Variants in DTNB observed in about 807,000 individuals in gnomAD.
DTNB encodes the protein dystrobrevin beta.
DTNB carries 63 observed loss-of-function variants against 90.7 expected under a neutral mutation model. The observed-to-expected ratio is 0.69, with a 90% CI of 0.57 to 0.86. DTNB has a LOEUF of 0.86. Among genes scored for constraint, DTNB ranks in the 40% least tolerant of loss-of-function variants. The pLI, the probability that DTNB is intolerant of heterozygous loss-of-function variation, is 0.00. For synonymous variants in DTNB, 277 were observed against 286.7 expected, an observed-to-expected ratio of 0.97 and a Z score of 0.34; for missense variants, 744 against 807.1, an observed-to-expected ratio of 0.92 and a Z score of 0.95.
intron 8 of DTNB, among the ~76,000 whole-genome samples, chr2:25,575,235 C>T (rs1248720051): frequency 6.7e-6 from 1 of 148,262 alleles, no homozygotes; most frequent in African/African-American, 2.5e-5. Context: ...ACTCTACACA[C>T]ACACACACAA....
At chr2:25,392,689 A>G (rs530473569) in intron 16 of DTNB, among the ~76,000 whole-genome samples, 4 of 152,206 alleles carry the variant, frequency 2.6e-5, no homozygotes, top group African/African-American at 4.8e-5. Context: ...CCTAGATTAA[A>G]CCAGGAAGAT....
chr2:25,451,078 TA>T (rs2059212649), intron 12 of DTNB, among the ~76,000 whole-genome samples: 1 of 152,244 alleles, frequency 6.6e-6, no homozygotes, highest in Non-Finnish European at 1.5e-5. Context: ...GGTGCTGGGA[TA>T]TACACTTTAT....
chr2:25,586,457 T>G (rs983036445), intron 6 of DTNB, among the ~76,000 whole-genome samples: 2 of 144,994 alleles, frequency 1.4e-5, no homozygotes, highest in African/African-American at 5.2e-5. Flanking sequence ...TTGCAGTGAG[T>G]CGAGATTGCG....
rs1037970686 is a variant in DTNB, at chr2:25,568,477, T to TA, written c.876+8360dup. On this transcript the variant is annotated intron_variant, in intron 8 of 20. Coordinates refer to ENST00000406818, the MANE Select transcript of DTNB (RefSeq NM_021907.5). ...GGCTAAAGACCATTTAATAGTGATT[T>TA]AAAAAAAAACACACACAATTATATA... is the stretch of plus-strand genomic sequence containing the variant. Among the ~76,000 whole-genome samples, 7 of 150,724 alleles carry TA rather than the reference T, an allele frequency of 4.6e-5. No individual in the cohort carries two copies. The South Asian group carries it at 6.3e-4, about 14-fold the overall frequency.
At chr2:25,475,927 G>A (rs2063656176) in intron 10 of DTNB, among the ~76,000 whole-genome samples, 1 of 152,184 alleles carries the variant, frequency 6.6e-6, no homozygotes, top group Non-Finnish European at 1.5e-5. Flanking sequence ...AAAAAAGATT[G>A]CTTTCAAAAC....
chr2:25,469,334 C>CA (rs2062361070), intron 10 of DTNB, among the ~76,000 whole-genome samples: 1 of 152,092 alleles, frequency 6.6e-6, no homozygotes, highest in Non-Finnish European at 1.5e-5. Context: ...ACAGCATACT[C>CA]CAGGTACTGA....
Position 25,639,099 on chromosome 2 carries a change from A to T in DTNB, c.68-5T>A, listed in dbSNP as rs1202240192. On this transcript the variant is annotated splice_region_variant and splice_polypyrimidine_tract_variant and intron_variant, in intron 2 of 20. Coordinates refer to ENST00000406818, the MANE Select transcript of DTNB (RefSeq NM_021907.5). ...TGACATCAAAATTCTGAGCACCTGAAAAAAGGCAAACAGAAATGCTCAACT... is the reference window on the plus strand; with the variant it reads ...TGACATCAAAATTCTGAGCACCTGATAAAAGGCAAACAGAAATGCTCAACT... 6.4e-7 allele frequency: 1 copy of T among 1,569,336 alleles called. No homozygotes were observed.
At chr2:25,503,882 G>A (rs183891337) in intron 9 of DTNB, among the ~76,000 whole-genome samples, 1,568 of 151,632 alleles carry the variant, frequency 0.01, 25 homozygotes, top group African/African-American at 0.036. Context: ...GCACCACTGA[G>A]CTCCAGCCTG....
chr2:25,583,403 T>A (rs2061862424), intron 6 of DTNB, among the ~76,000 whole-genome samples: 1 of 151,862 alleles, frequency 6.6e-6, no homozygotes. Context: ...ATTAAAAGTT[T>A]AATATTTCTA....
rs1480148608 is a variant in DTNB at position 25,650,152 on chromosome 2, C to T, written c.67+2442G>A. On this transcript the variant is annotated intron_variant, in intron 2 of 20. Coordinates refer to ENST00000406818, the MANE Select transcript of DTNB (RefSeq NM_021907.5). ...TGGCAGGACTACTTCAGATCTCTAC[C>T]CCATCAACGCCTGCATGCGTATTAC... The T allele has an allele frequency of 1.3e-5, 13 of 985,308 alleles. No individual in the cohort carries two copies. In the East Asian group the frequency reaches 1.2e-3, roughly 94 times the overall value. The allele number at this position is 985,308 out of a possible 1,614,324, so 61.0% of individuals were successfully genotyped here. A position where few individuals can be genotyped will look rare whatever the true frequency, so the allele number is the denominator to read the frequency against.
intron 9 of DTNB, among the ~76,000 whole-genome samples, chr2:25,504,620 T>TGGAA (rs538860948): frequency 9.2e-5 from 8 of 86,714 alleles, no homozygotes; most frequent in African/African-American, 2.8e-4. Flanking sequence ...AAGGAAAAGA[T>TGGAA]GGAAGGAAGG....
intron 9 of DTNB, among the ~76,000 whole-genome samples, chr2:25,487,689 T>C (rs1297709758): frequency 1.3e-5 from 2 of 152,130 alleles, no homozygotes; most frequent in Non-Finnish European, 2.9e-5. Flanking sequence ...GTTTTCCAGA[T>C]ACAGAAAAAG....
At chr2:25,617,194 G>C (rs1360507768) in intron 4 of DTNB, among the ~76,000 whole-genome samples, 2 of 152,136 alleles carry the variant, frequency 1.3e-5, no homozygotes, top group Non-Finnish European at 2.9e-5. Context: ...AGGGTCAGGG[G>C]ATATGCACCA....
At chr2:25,671,674 T>A (rs374057669) in intron 1 of DTNB, among the ~76,000 whole-genome samples, 2 of 152,236 alleles carry the variant, frequency 1.3e-5, no homozygotes, top group Non-Finnish European at 2.9e-5. Context: ...TCGGGCATAG[T>A]GGACATCCAA....
chr2:25,637,100 A>C (rs914393865), intron 3 of DTNB, among the ~76,000 whole-genome samples: 3 of 152,274 alleles, frequency 2.0e-5, no homozygotes, highest in Non-Finnish European at 4.4e-5. Flanking sequence ...GAAAACAAGA[A>C]ATGGGGAAAG....
intron 12 of DTNB, among the ~76,000 whole-genome samples, chr2:25,447,970 G>A (rs62128541): frequency 0.029 from 4,411 of 152,296 alleles, 76 homozygotes; most frequent in Middle Eastern, 0.048. Flanking sequence ...GGTGGCAGTA[G>A]TAGTGACAGC....
intron 9 of DTNB, among the ~76,000 whole-genome samples, chr2:25,523,810 G>C (rs941187522): frequency 1.3e-5 from 2 of 151,894 alleles, no homozygotes; most frequent in African/African-American, 4.8e-5. Flanking sequence ...AGATGTATTA[G>C]GGAACTTTTT....
At chr2:25,522,971 G>C (rs983768937) in intron 9 of DTNB, among the ~76,000 whole-genome samples, 1 of 152,148 alleles carries the variant, frequency 6.6e-6, no homozygotes, top group Non-Finnish European at 1.5e-5. Context: ...AAAGTGCTGG[G>C]ATTACAGACA....
chr2:25,422,395 C>CTTTTTTTTTTTTT (rs146697158), intron 15 of DTNB, among the ~76,000 whole-genome samples: 1 of 82,920 alleles, frequency 1.2e-5, no homozygotes, highest in Non-Finnish European at 2.2e-5. Context: ...CTTTTCTCTT[C>CTTTTTTTTTTTTT]TTTTTTTTTT....
Sources: gnomAD v4.1 joint callset for allele counts (sites outside exome capture counted in the v4.1 genomes callset) on GRCh38, gnomAD v4.1.1 for gene constraint, MANE v1.5 for transcripts, NCBI Gene and HGNC (gene_info 2026-07-23, HGNC 2026-07-21) for gene names.